Variants in SLC30A7 observed in about 807,000 individuals in gnomAD.
SLC30A7 encodes solute carrier family 30 member 7, also known as zinc transporter 7.
SLC30A7 carries 35 observed loss-of-function variants against 46.0 expected under a neutral mutation model. The ratio of observed to expected loss-of-function variants is 0.76; its 90% CI spans 0.58 to 1.01. The LOEUF is 1.01. SLC30A7 is among the 50% of genes least tolerant of loss of function. The pLI is 0.00. For synonymous variants in SLC30A7, 147 were observed against 157.8 expected (o/e 0.93, Z 0.51); for missense variants, 464 against 451.1 (o/e 1.03, Z -0.26).
At chr1:100,993,582 A>G in the SLC30A7 span, among the ~76,000 whole-genome samples, 16 of 98,524 alleles carry the variant, frequency 1.6e-4, no homozygotes, top group African/African-American at 3.8e-4. Flanking sequence ...ATATATATAT[A>G]TATATATATA....
At chr1:100,956,997 A>G (rs1278699056) in intron 8 of SLC30A7, among the ~76,000 whole-genome samples, 1 of 152,210 alleles carries the variant, frequency 6.6e-6, no homozygotes, top group Non-Finnish European at 1.5e-5. Context: ...AATTTCTCTG[A>G]GATGAAATAT....
At chr1:100,959,281 G>A (rs1017848264) in intron 8 of SLC30A7, among the ~76,000 whole-genome samples, 2 of 152,256 alleles carry the variant, frequency 1.3e-5, no homozygotes, top group South Asian at 2.1e-4. Context: ...TTAGTCTAAC[G>A]TCTCTATAAA....
At chr1:100,934,666 A>G (rs1186169113) in intron 8 of SLC30A7, among the ~76,000 whole-genome samples, 1 of 149,946 alleles carries the variant, frequency 6.7e-6, no homozygotes, top group Non-Finnish European at 1.5e-5. Context: ...CTATATCAAT[A>G]CCTATATATA....
intron 5 of SLC30A7, among the ~76,000 whole-genome samples, chr1:100,912,607 T>A (rs985595023): frequency 2.6e-5 from 4 of 151,956 alleles, no homozygotes; most frequent in African/African-American, 9.7e-5. Flanking sequence ...ATGGATCACT[T>A]GAATCCAGGA....
At chr1:100,938,952 C>T (rs1004226885) in intron 8 of SLC30A7, among the ~76,000 whole-genome samples, 2 of 152,154 alleles carry the variant, frequency 1.3e-5, no homozygotes, top group African/African-American at 4.8e-5. Flanking sequence ...AGTTTTTCAG[C>T]CCATCCCCCA....
intron 3 of SLC30A7, among the ~76,000 whole-genome samples, chr1:100,907,662 T>A (rs1651767326): frequency 6.6e-6 from 1 of 151,944 alleles, no homozygotes; most frequent in Non-Finnish European, 1.5e-5. Context: ...TCCTATTCCC[T>A]CTCTCTTCTG....
chr1:100,951,574 G>A (rs1364098271), intron 8 of SLC30A7, among the ~76,000 whole-genome samples: 1 of 152,128 alleles, frequency 6.6e-6, no homozygotes, highest in African/African-American at 2.4e-5. Context: ...AGTTAGCACT[G>A]TCTCCCTACT....
intron 8 of SLC30A7, among the ~76,000 whole-genome samples, chr1:100,946,397 C>T (rs59974118): frequency 0.01 from 1,523 of 152,242 alleles, 26 homozygotes; most frequent in African/African-American, 0.035. Flanking sequence ...AGTTTTTGCC[C>T]ATTTAGTATG....
chr1:100,896,787 A>G (rs1650989754), intron 2 of SLC30A7, 116 bp downstream of exon 2: 2 of 834,972 alleles, frequency 2.4e-6, no homozygotes, highest in South Asian at 3.0e-5. Context: ...TTTGTTACCT[A>G]CCTCTGCTGC....
At chr1:100,899,207 C>T (rs138653356) in intron 2 of SLC30A7, among the ~76,000 whole-genome samples, 48 of 152,240 alleles carry the variant, frequency 3.2e-4, no homozygotes, top group African/African-American at 1.2e-3. Flanking sequence ...CTATCTTATG[C>T]AGGCACTTCA....
intron 10 of SLC30A7, among the ~76,000 whole-genome samples, chr1:100,969,932 A>G (rs749776094): frequency 6.6e-6 from 1 of 152,188 alleles, no homozygotes; most frequent in Non-Finnish European, 1.5e-5. Flanking sequence ...CTAGTAATGC[A>G]TGGTCCTTAT....
intron 5 of SLC30A7, among the ~76,000 whole-genome samples, chr1:100,913,179 T>TA (rs940414077): frequency 6.6e-6 from 1 of 152,228 alleles, no homozygotes; most frequent in African/African-American, 2.4e-5. Context: ...CTGATTCTGT[T>TA]ACCAAATGCA....
chr1:100,992,421 GTTAA>G, the SLC30A7 span, among the ~76,000 whole-genome samples: 1 of 152,108 alleles, frequency 6.6e-6, no homozygotes, highest in Non-Finnish European at 1.5e-5. Flanking sequence ...CTGGAATGGT[GTTAA>G]TTATACTATA....
In SLC30A7 at chr1:100,926,551, A is replaced by T. The variant is rs576020934; in HGVS notation, c.842+4710A>T. 4.1e-3 allele frequency among the ~76,000 whole-genome samples: 624 copies of T among 152,174 alleles called. 9 individuals are homozygous for T. The highest frequency in any genetic ancestry group is 0.015 in the African/African-American group (607 of 41,528). On this transcript the variant is annotated intron_variant, in intron 8 of 10. Coordinates refer to ENST00000357650, the MANE Select transcript of SLC30A7 (RefSeq NM_133496.5). ...ATCCAAACACCTCCCACCAGGCCCC[A>T]CCTCCAGCACTGGGGATTACAATTC...
the SLC30A7 span, among the ~76,000 whole-genome samples, chr1:100,993,269 C>T: frequency 1.3e-4 from 19 of 151,872 alleles, no homozygotes; most frequent in Non-Finnish European, 1.9e-4. Context: ...ATAGCCATTG[C>T]AGGCCAGGCG....
At chr1:100,947,514 A>G (rs2101065616) in intron 8 of SLC30A7, among the ~76,000 whole-genome samples, 1 of 152,342 alleles carries the variant, frequency 6.6e-6, no homozygotes, top group South Asian at 2.1e-4. Flanking sequence ...TGGTGCTGAG[A>G]AGAATGTATA....
chr1:100,947,393 C>T (rs570662954), intron 8 of SLC30A7, among the ~76,000 whole-genome samples: 1 of 152,286 alleles, frequency 6.6e-6, no homozygotes, highest in East Asian at 1.9e-4. Flanking sequence ...ATCCTGAGTT[C>T]TAATTTGATT....
chr1:100,970,165 A>AT (rs1170812203), intron 10 of SLC30A7, among the ~76,000 whole-genome samples: 5 of 152,204 alleles, frequency 3.3e-5, no homozygotes, highest in Middle Eastern at 3.4e-3. Context: ...CAAAAGAAGG[A>AT]TTTTTTTCAA....
In SLC30A7 at chr1:100,965,903, T is replaced by C. The variant is rs1479333734; in HGVS notation, c.1068T>C (p.His356=). The change falls in exon 10 of 11, where the codon CAT becomes CAC. Residue 356 remains histidine (H), a synonymous_variant. Transcript: ENST00000357650. ...ADARWILSQT[H]NIFTQAGVRQ... Reference sequence around the variant, plus strand: ...CTAGGTGGATTTTAAGCCAAACACATAATATTTTTACTCAGGTATGTCTTT... The same window carrying C: ...CTAGGTGGATTTTAAGCCAAACACACAATATTTTTACTCAGGTATGTCTTT... 1 of 1,612,034 alleles carries C rather than the reference T, an allele frequency of 6.2e-7. No individual in the cohort carries two copies.
Sources: allele counts gnomAD v4.1 joint callset (sites outside exome capture counted in the v4.1 genomes callset), GRCh38; gene constraint gnomAD v4.1.1; transcripts MANE v1.5; gene names NCBI Gene and HGNC (gene_info 2026-07-23, HGNC 2026-07-21).